PTGES3: variants seen among roughly 807,000 people sequenced by gnomAD.
PTGES3 encodes prostaglandin E synthase 3.
PTGES3 carries 5 observed loss-of-function variants against 29.9 expected under a neutral mutation model. The ratio of observed to expected loss-of-function variants is 0.17; its 90% CI spans 0.09 to 0.35. The LOEUF is 0.35. PTGES3 is among the 10% of genes least tolerant of loss of function. The probability of loss-of-function intolerance (pLI) is 1.00; values close to 1 mark genes in which losing one functional copy is unlikely to be tolerated. For missense variants in PTGES3, 128 were observed against 190.0 expected, an observed-to-expected ratio of 0.67 and a Z score of 1.92; for synonymous variants, 49 against 57.8, an observed-to-expected ratio of 0.85 and a Z score of 0.69.
rs781699549 is a variant in PTGES3, at chr12:56,664,685, C to T, written c.463+91G>A. On this transcript the variant is annotated intron_variant, in intron 7 of 7. Transcript: ENST00000262033. Reference sequence around the variant, plus strand: ...ATTCAAGGTCATAAAGAAAAAATTACTTTACTTCCAAAGAAGTTAACATCT... The same window carrying T: ...ATTCAAGGTCATAAAGAAAAAATTATTTTACTTCCAAAGAAGTTAACATCT... 2.7e-6 allele frequency: 4 copies of T among 1,479,128 alleles called. No individual in the cohort carries two copies. The East Asian group carries it at 6.9e-5, about 26-fold the overall frequency. The allele number at this position is 1,479,128 out of a possible 1,614,324, so 91.6% of individuals were successfully genotyped here.
chr12:56,684,618 C>A (rs747819403), intron 1 of PTGES3, among the ~76,000 whole-genome samples: 19 of 152,186 alleles, frequency 1.2e-4, no homozygotes, highest in Admixed American at 5.2e-4. Context: ...GGAAAAACAA[C>A]AACTTCCAAC....
intron 1 of PTGES3, among the ~76,000 whole-genome samples, chr12:56,682,997 A>G (rs74912504): frequency 1.6e-5 from 2 of 125,966 alleles, no homozygotes; most frequent in East Asian, 2.0e-4. Flanking sequence ...CCGCCTCAAG[A>G]AAAAAAAAAA....
Position 56,663,497 on chromosome 12 carries a change from CAG to C in PTGES3, c.*980_*981del. 1 of 152,338 alleles carries C rather than the reference CAG, an allele frequency of 6.6e-6. No individual in the cohort carries two copies. The highest frequency in any genetic ancestry group is 1.5e-5 in the Non-Finnish European group (1 of 68,000). 9.4% of individuals were successfully genotyped at this position (152,338 alleles called of 1,614,324 possible). ...ATTACAGCAAGCCTCTTTTTTCAAA[CAG>C]AGGAATAATCCCAAATTCTTCCTCA... On this transcript the variant is annotated 3_prime_UTR_variant, in exon 8 of 8. Transcript: ENST00000262033.
At chr12:56,680,399 T>TGG (rs543263647) in intron 1 of PTGES3, among the ~76,000 whole-genome samples, 10 of 150,248 alleles carry the variant, frequency 6.7e-5, no homozygotes, top group South Asian at 2.1e-4. Flanking sequence ...TTTTTTTTTT[T>TGG]GGGGGGACAG....
At chr12:56,682,353 G>A (rs1403297099) in intron 1 of PTGES3, among the ~76,000 whole-genome samples, 3 of 152,104 alleles carry the variant, frequency 2.0e-5, no homozygotes, top group Non-Finnish European at 4.4e-5. Flanking sequence ...GAGCCCAAGA[G>A]TTTGAGACAA....
chr12:56,685,754 TCTACTG>T (rs1175070184), intron 1 of PTGES3, among the ~76,000 whole-genome samples: 1 of 146,578 alleles, frequency 6.8e-6, no homozygotes, highest in Non-Finnish European at 1.5e-5. Flanking sequence ...GAATAGTCTC[TCTACTG>T]CTACACTTAC....
chr12:56,666,390 T>C (rs1951787862), intron 5 of PTGES3, 124 bp from the exon 6 acceptor site: 2 of 1,165,018 alleles, frequency 1.7e-6, no homozygotes, highest in African/African-American at 3.2e-5. Context: ...AATGCAAATA[T>C]AAGCATCTTT....
At chr12:56,687,919 A>AG (rs1952960461) in intron 1 of PTGES3, 79 bp downstream of exon 1, 2 of 1,602,580 alleles carry the variant, frequency 1.2e-6, no homozygotes, top group Non-Finnish European at 1.7e-6. Flanking sequence ...GAGAAAGGCT[A>AG]GGGGGCCGCT....
At chr12:56,665,985 A>G in intron 6 of PTGES3, 2 of 1,276,730 alleles carry the variant, frequency 1.6e-6, no homozygotes, top group Non-Finnish European at 2.0e-6. Flanking sequence ...GATTCTTTGG[A>G]AATCTAATCC....
chr12:56,675,003 T>TAAA (rs1952171286), intron 1 of PTGES3, among the ~76,000 whole-genome samples: 2 of 7,910 alleles, frequency 2.5e-4, no homozygotes, highest in Admixed American at 2.1e-3. Context: ...AAACTCGGTC[T>TAAA]CAAAAAAAAA....
At chr12:56,684,857 TG>T (rs1219331580) in intron 1 of PTGES3, among the ~76,000 whole-genome samples, 1 of 152,154 alleles carries the variant, frequency 6.6e-6, no homozygotes, top group Non-Finnish European at 1.5e-5. Context: ...TTTAAAGAAA[TG>T]TAACTACGAA....
intron 6 of PTGES3, chr12:56,665,718 T>C: frequency 1.1e-6 from 1 of 882,442 alleles, no homozygotes; most frequent in Non-Finnish European, 1.4e-6. Context: ...CTTGGCTCAC[T>C]GCAACCTCCG....
At chr12:56,670,518 TG>T (rs1951962599) in intron 4 of PTGES3, 154 bp from the exon 5 acceptor site, 1 of 609,364 alleles carries the variant, frequency 1.6e-6, no homozygotes, top group Admixed American at 2.7e-5. Flanking sequence ...ATCCCACTAT[TG>T]ATCAATATGT....
chr12:56,679,789 C>T (rs1211923603), intron 1 of PTGES3, among the ~76,000 whole-genome samples: 1 of 152,066 alleles, frequency 6.6e-6, no homozygotes, highest in Non-Finnish European at 1.5e-5. Context: ...ATTCTTCTGC[C>T]TTAGCCTCCC....
At chr12:56,687,774 G>C (rs1952952113) in intron 1 of PTGES3, 5 of 1,380,240 alleles carry the variant, frequency 3.6e-6, no homozygotes, top group South Asian at 1.6e-5. Context: ...TTCCGGCATG[G>C]GGAAGCCAAG....
chr12:56,677,577 G>A (rs970536704), intron 1 of PTGES3, among the ~76,000 whole-genome samples: 6 of 152,096 alleles, frequency 3.9e-5, no homozygotes, highest in Admixed American at 6.6e-5. Flanking sequence ...CCTATCAATG[G>A]AATGTGTATG....
intron 1 of PTGES3, among the ~76,000 whole-genome samples, chr12:56,684,997 T>A (rs1364945196): frequency 6.6e-6 from 1 of 152,172 alleles, no homozygotes; most frequent in South Asian, 2.1e-4. Context: ...GGTGCTTGCC[T>A]GCAGTCCCAG....
chr12:56,678,911 G>A (rs150935332), intron 1 of PTGES3, among the ~76,000 whole-genome samples: 1 of 152,216 alleles, frequency 6.6e-6, no homozygotes, highest in African/African-American at 2.4e-5. Context: ...TGGGCCAGGA[G>A]TTCAAGACCA....
intron 6 of PTGES3, chr12:56,665,018 C>T (rs1951733947): frequency 1.0e-6 from 1 of 985,198 alleles, no homozygotes; most frequent in African/African-American, 1.7e-5. Flanking sequence ...ATGATGTGTG[C>T]CTTTTGGTGA....
Sources: allele counts gnomAD v4.1 joint callset (sites outside exome capture counted in the v4.1 genomes callset), GRCh38; gene constraint gnomAD v4.1.1; transcripts MANE v1.5; gene names NCBI Gene and HGNC (gene_info 2026-07-23, HGNC 2026-07-21).